DNAH11: variants seen among roughly 807,000 people sequenced by gnomAD.
DNAH11 encodes axonemal beta dynein heavy chain 11.
DNAH11 carries 442 observed loss-of-function variants against 526.0 expected under a neutral mutation model. The observed-to-expected ratio is 0.84, with a 90% CI of 0.78 to 0.91. The LOEUF is 0.91. Ranked by LOEUF, DNAH11 falls within the 40% of genes least tolerant of loss-of-function variation. The pLI is 0.00. For missense variants in DNAH11, 6,989 were observed against 5,448.7 expected (o/e 1.28, Z -8.90); for synonymous variants, 2,461 against 1,935.9 (o/e 1.27, Z -7.12).
At chr7:21,813,762 T>G (rs1161404496) in intron 63 of DNAH11, among the ~76,000 whole-genome samples, 2 of 152,146 alleles carry the variant, frequency 1.3e-5, no homozygotes, top group Non-Finnish European at 2.9e-5. Context: ...TGACACTACT[T>G]AATAGAGCAA....
At chr7:21,675,883 A>G (rs1782860830) in intron 30 of DNAH11, among the ~76,000 whole-genome samples, 1 of 152,186 alleles carries the variant, frequency 6.6e-6, no homozygotes, top group South Asian at 2.1e-4. Context: ...ATAAATAGAT[A>G]GGGGGTAATA....
chr7:21,730,815 A>C (rs1031903986), intron 45 of DNAH11, among the ~76,000 whole-genome samples: 3 of 152,168 alleles, frequency 2.0e-5, no homozygotes, highest in Non-Finnish European at 4.4e-5. Context: ...AAAAACCATT[A>C]AGAGAAAAAA....
intron 18 of DNAH11, among the ~76,000 whole-genome samples, chr7:21,605,396 A>G (rs1583521417): frequency 6.6e-6 from 1 of 152,240 alleles, no homozygotes; most frequent in Non-Finnish European, 1.5e-5. Context: ...TTCAACAGTA[A>G]TTATGCTCCA....
intron 66 of DNAH11, among the ~76,000 whole-genome samples, chr7:21,843,829 T>C (rs1415124270): frequency 1.3e-5 from 2 of 152,114 alleles, no homozygotes; most frequent in African/African-American, 4.8e-5. Flanking sequence ...AATGGTGATG[T>C]GAAAAATAAA....
In DNAH11 at chr7:21,702,758, G is replaced by T. The variant is rs1784118132; in HGVS notation, c.6229G>T (p.Ala2077Ser). 1 of 1,613,488 alleles carries T rather than the reference G, an allele frequency of 6.2e-7. No homozygotes were observed. ...TGCTATTAAGTCTGTCTTGGTTGTG[G>T]CTGGATCTCTGAAACGAGGAGATAA... is the stretch of plus-strand genomic sequence containing the variant. ...LRAIKSVLVV[A>S]GSLKRGDKNR... The change falls in exon 37 of 82, where the codon GCT becomes TCT. Residue 2077 changes from alanine (A) to serine (S), a missense_variant. Coordinates refer to ENST00000409508, the MANE Select transcript of DNAH11 (RefSeq NM_001277115.2).
chr7:21,682,757 G>T (rs190684500), intron 31 of DNAH11, among the ~76,000 whole-genome samples: 450 of 151,912 alleles, frequency 3.0e-3, no homozygotes, highest in Non-Finnish European at 4.9e-3. Context: ...TTTTTTCTGG[G>T]TTTTTTTCTC....
In DNAH11 at chr7:21,894,757, C is replaced by T. The variant is rs2128048941; in HGVS notation, c.12885C>T (p.Leu4295=). 1.9e-6 allele frequency: 3 copies of T among 1,612,598 alleles called. No homozygotes were observed. The highest frequency in any genetic ancestry group is 1.7e-6 in the Non-Finnish European group (2 of 1,179,476). ...CFQECERMNI[L]IREIRISLEQ... is the part of the protein sequence containing the mutation. The stretch of plus-strand genomic sequence containing the variant: ...AAGAATGTGAGAGGATGAATATTCT[C>T]ATTCGGGAAATACGTATATCACTTG... The change falls in exon 78 of 82, where the codon CTC becomes CTT. Residue 4295 remains leucine, a synonymous_variant. Transcript: ENST00000409508.
At position 21,780,499 on chromosome 7, in the gene DNAH11, C is replaced by T. The variant is rs577005653; in HGVS notation, c.9483+1395C>T. Among the ~76,000 whole-genome samples the T allele has an allele frequency of 4.6e-5, 7 of 152,260 alleles. No individual in the cohort carries two copies. The South Asian group carries it at 1.2e-3, about 27-fold the overall frequency. Reference sequence around the variant, plus strand: ...GAATATTTTTCAGGCATTACACAAACATGTGATGTTCTAGTAATTATATCA... The same window carrying T: ...GAATATTTTTCAGGCATTACACAAATATGTGATGTTCTAGTAATTATATCA... On this transcript the variant is annotated intron_variant, in intron 57 of 81. Transcript: ENST00000409508.
chr7:21,550,898 T>C (rs1017984957), intron 2 of DNAH11, among the ~76,000 whole-genome samples: 2 of 152,196 alleles, frequency 1.3e-5, no homozygotes, highest in African/African-American at 4.8e-5. Flanking sequence ...GAAATCTGCT[T>C]GAATGCTTTC....
chr7:21,725,738 T>C, intron 44 of DNAH11, 73 bp from the exon 45 acceptor site: 1 of 1,446,974 alleles, frequency 6.9e-7, no homozygotes, highest in Non-Finnish European at 9.4e-7. Context: ...ATATTGTTAC[T>C]CATAATTTGT....
intron 65 of DNAH11, among the ~76,000 whole-genome samples, chr7:21,825,034 G>A (rs1055415451): frequency 3.3e-5 from 5 of 152,080 alleles, no homozygotes; most frequent in Admixed American, 1.3e-4. Context: ...ACCAGGCCTG[G>A]CTAATTTTTT....
intron 11 of DNAH11, 140 bp from the exon 12 acceptor site, chr7:21,589,068 G>T: frequency 1.7e-6 from 1 of 573,046 alleles, no homozygotes; most frequent in Non-Finnish European, 2.8e-6. Context: ...CAATTAATAC[G>T]CACATAATTT....
chr7:21,743,693 C>T (rs749980465), intron 49 of DNAH11, among the ~76,000 whole-genome samples: 1 of 152,124 alleles, frequency 6.6e-6, no homozygotes, highest in African/African-American at 2.4e-5. Flanking sequence ...TGCTTAATAC[C>T]GTGCTGTTTA....
intron 56 of DNAH11, 108 bp from the exon 57 acceptor site, chr7:21,778,850 C>G (rs961167428): frequency 1.1e-5 from 15 of 1,350,070 alleles, no homozygotes; most frequent in Non-Finnish European, 1.5e-5. Context: ...GAGACAGATG[C>G]AAGATACAAA....
chr7:21,745,504 G>C (rs1373573590), intron 51 of DNAH11, among the ~76,000 whole-genome samples: 6 of 152,162 alleles, frequency 3.9e-5, no homozygotes, highest in African/African-American at 9.7e-5. Flanking sequence ...TCCTTGGATA[G>C]AGCATGGCTG....
intron 40 of DNAH11, among the ~76,000 whole-genome samples, chr7:21,709,458 A>G (rs997455134): frequency 6.6e-6 from 1 of 152,108 alleles, no homozygotes; most frequent in Admixed American, 6.6e-5. Flanking sequence ...GGGATGAAAA[A>G]CTACCTGTTG....
At chr7:21,789,763 C>CCCTTTCTTTCTTTCTTTCTT (rs1788355891) in intron 61 of DNAH11, among the ~76,000 whole-genome samples, 1 of 72,994 alleles carries the variant, frequency 1.4e-5, no homozygotes, top group Non-Finnish European at 3.0e-5. Flanking sequence ...ATTTCTTTCT[C>CCCTTTCTTTCTTTCTTTCTT]TCTTTCTTTC....
intron 62 of DNAH11, among the ~76,000 whole-genome samples, chr7:21,804,507 C>G (rs1270412756): frequency 6.6e-6 from 1 of 152,160 alleles, no homozygotes; most frequent in African/African-American, 2.4e-5. Flanking sequence ...GTTCATTATG[C>G]AAAAACTCAT....
chr7:21,621,161 A>G (rs1482286525), intron 25 of DNAH11, among the ~76,000 whole-genome samples: 1 of 152,192 alleles, frequency 6.6e-6, no homozygotes, highest in East Asian at 1.9e-4. Flanking sequence ...CAAGAGTTGA[A>G]TACAAACTAC....
Sources: gnomAD v4.1 joint callset for allele counts (sites outside exome capture counted in the v4.1 genomes callset) on GRCh38, gnomAD v4.1.1 for gene constraint, MANE v1.5 for transcripts, NCBI Gene and HGNC (gene_info 2026-07-23, HGNC 2026-07-21) for gene names.